Variants in PLAAT4 observed in about 807,000 individuals in gnomAD.
PLAAT4 encodes the protein phospholipase A and acyltransferase 4.
PLAAT4 carries 12 observed loss-of-function variants against 14.1 expected under a neutral mutation model. That is an observed-to-expected ratio of 0.85 (90% CI 0.54 to 1.37). PLAAT4 has a LOEUF of 1.37. PLAAT4 is among the 40% of genes most tolerant of loss of function. PLAAT4 has a pLI of 0.00. For synonymous variants in PLAAT4, 77 were observed against 79.8 expected, an observed-to-expected ratio of 0.96 and a Z score of 0.19; for missense variants, 163 against 211.7, an observed-to-expected ratio of 0.77 and a Z score of 1.43.
chr11:63,537,731 C>T (rs2017284225), intron 1 of PLAAT4, among the ~76,000 whole-genome samples: 1 of 152,204 alleles, frequency 6.6e-6, no homozygotes, highest in Non-Finnish European at 1.5e-5. Flanking sequence ...CTGTGGTGCC[C>T]TGACATACAG....
At chr11:63,537,027 A>C (rs947363740) in intron 1 of PLAAT4, 150 bp downstream of exon 1, 5 of 1,019,092 alleles carry the variant, frequency 4.9e-6, no homozygotes, top group Non-Finnish European at 7.2e-6. Flanking sequence ...TTGTCTTTTA[A>C]AAGTGCATCT....
chr11:63,543,789 T>C (rs2017340750), intron 2 of PLAAT4, among the ~76,000 whole-genome samples: 1 of 152,234 alleles, frequency 6.6e-6, no homozygotes, highest in African/African-American at 2.4e-5. Flanking sequence ...CTCTTCTGTG[T>C]TCCTCTCTAT....
rs561517218 is a variant in PLAAT4, at chr11:63,542,502, T to C, written c.119-2119T>C. The stretch of plus-strand genomic sequence containing the variant: ...CGTGTCTGGCTTGGTAGGAGGAAGA[T>C]TGTCAATTGAGGTATCATGTGTGTT... On this transcript the variant is annotated intron_variant, in intron 2 of 3. Transcript: ENST00000255688. Among the ~76,000 whole-genome samples, 4 of 152,342 alleles carry C rather than the reference T, an allele frequency of 2.6e-5. No individual in the cohort carries two copies. In the East Asian group the frequency reaches 5.8e-4, roughly 22 times the overall value.
At chr11:63,541,359 T>C (rs949746227) in intron 2 of PLAAT4, among the ~76,000 whole-genome samples, 1 of 151,996 alleles carries the variant, frequency 6.6e-6, no homozygotes, top group African/African-American at 2.4e-5. Flanking sequence ...AGCCAGCTAG[T>C]TTTTTGTATT....
At chr11:63,542,504 G>C (rs879385554) in intron 2 of PLAAT4, among the ~76,000 whole-genome samples, 4 of 152,180 alleles carry the variant, frequency 2.6e-5, no homozygotes, top group African/African-American at 4.8e-5. Context: ...GAGGAAGATT[G>C]TCAATTGAGG....
chr11:63,540,445 A>G (rs1434179236), intron 2 of PLAAT4, among the ~76,000 whole-genome samples: 2 of 152,202 alleles, frequency 1.3e-5, no homozygotes, highest in Non-Finnish European at 2.9e-5. Context: ...TATTTAACTC[A>G]TTAATAACAG....
At chr11:63,545,499 T>C (rs61929704) in intron 3 of PLAAT4, 2,532 of 164,048 alleles carry the variant, frequency 0.015, 32 homozygotes, top group Non-Finnish European at 0.025. Context: ...GAGAGAGGGA[T>C]GGTGGCAGGA....
At chr11:63,538,970 G>A (rs945658043) in intron 1 of PLAAT4, among the ~76,000 whole-genome samples, 9 of 152,260 alleles carry the variant, frequency 5.9e-5, no homozygotes, top group Non-Finnish European at 8.8e-5. Flanking sequence ...AGGATGCTGT[G>A]AGCTCCTGTC....
At chr11:63,544,980 T>TG in intron 3 of PLAAT4, 91 bp downstream of exon 3, 1 of 1,572,434 alleles carries the variant, frequency 6.4e-7, no homozygotes, top group Non-Finnish European at 8.8e-7. Context: ...ATGATGCAAA[T>TG]GCAGCCTCTT....
intron 3 of PLAAT4, 112 bp downstream of exon 3, chr11:63,545,001 T>A (rs1246582925): frequency 6.8e-7 from 1 of 1,475,690 alleles, no homozygotes; most frequent in Non-Finnish European, 9.5e-7. Flanking sequence ...AGAGACCTGC[T>A]GGCTGAGAGT....
chr11:63,544,513 C>A, intron 2 of PLAAT4, 108 bp from the exon 3 acceptor site: 1 of 1,329,170 alleles, frequency 7.5e-7, no homozygotes, highest in Non-Finnish European at 1.0e-6. Context: ...GTGAATCCTT[C>A]AATCACATTT....
At chr11:63,544,493 A>G in intron 2 of PLAAT4, 128 bp from the exon 3 acceptor site, 1 of 1,258,064 alleles carries the variant, frequency 7.9e-7, no homozygotes, top group Non-Finnish European at 1.1e-6. Context: ...AAAAAAAAAA[A>G]GCAAAATCTG....
chr11:63,537,333 A>G (rs1326104361), intron 1 of PLAAT4, among the ~76,000 whole-genome samples: 1 of 152,100 alleles, frequency 6.6e-6, no homozygotes, highest in Non-Finnish European at 1.5e-5. Context: ...TCTAAGGTGC[A>G]TTCTAATCTC....
rs1306885275 is a variant in PLAAT4, at chr11:63,536,890, G to C, written c.9+13G>C. The stretch of plus-strand genomic sequence containing the variant: ...CGAGATGGCTTCGGTAAGTTTCCCA[G>C]GGCTTTGCATTACTGACTCTACAGC... On this transcript the variant is annotated intron_variant, in intron 1 of 3. Transcript: ENST00000255688. 1 of 1,611,784 alleles carries C rather than the reference G, an allele frequency of 6.2e-7. No homozygotes were observed. Among genetic ancestry groups the C allele is most frequent in the East Asian group, 2.2e-5 (1 of 44,484 alleles).
chr11:63,545,306 G>A (rs1474484797), intron 3 of PLAAT4: 2 of 358,064 alleles, frequency 5.6e-6, no homozygotes, highest in East Asian at 9.0e-5. Flanking sequence ...TTGTGTGTAA[G>A]ATCTGGGCAC....
At chr11:63,538,704 A>AGG (rs1164700376) in intron 1 of PLAAT4, among the ~76,000 whole-genome samples, 1 of 152,158 alleles carries the variant, frequency 6.6e-6, no homozygotes, top group Non-Finnish European at 1.5e-5. Flanking sequence ...TGGCCAAGAC[A>AGG]GGAACCAGGG....
rs374580366 is a variant in PLAAT4, at chr11:63,544,692, C to T, written c.190C>T (p.Arg64Cys). 146 of 1,614,118 alleles carry T rather than the reference C, an allele frequency of 9.0e-5. No individual in the cohort carries two copies. Among genetic ancestry groups the T allele is most frequent in the South Asian group, 1.9e-4 (17 of 91,082 alleles). ...LSNSAEVKRERLEDVVGGCCY... is the reference protein window; with the variant it reads ...LSNSAEVKRECLEDVVGGCCY... Reference sequence around the variant, plus strand: ...CAACAGTGCAGAGGTGAAACGGGAGCGCCTGGAAGATGTGGTGGGAGGCTG... The same window carrying T: ...CAACAGTGCAGAGGTGAAACGGGAGTGCCTGGAAGATGTGGTGGGAGGCTG... Residue 64 changes from arginine to cysteine, a missense_variant, in exon 3 of 4, where the codon CGC (arginine) becomes TGC (cysteine). Physicochemically the swap from Arg to Cys is radical, Grantham distance 180. Coordinates refer to ENST00000255688, the MANE Select transcript of PLAAT4 (RefSeq NM_004585.5).
At chr11:63,539,725 G>A (rs12294612) in intron 2 of PLAAT4, 101 bp downstream of exon 2, 2 of 801,864 alleles carry the variant, frequency 2.5e-6, no homozygotes, top group South Asian at 1.7e-5. Context: ...ACTTTGAGAG[G>A]CCGAGGTGGG....
chr11:63,539,123 T>C (rs1345541376), intron 1 of PLAAT4, among the ~76,000 whole-genome samples: 7 of 152,010 alleles, frequency 4.6e-5, no homozygotes, highest in African/African-American at 1.2e-4. Flanking sequence ...GGCGGAGAGC[T>C]CAAGACTCAC....
Sources: allele counts gnomAD v4.1 joint callset (sites outside exome capture counted in the v4.1 genomes callset), GRCh38; gene constraint gnomAD v4.1.1; transcripts MANE v1.5; gene names NCBI Gene and HGNC (gene_info 2026-07-23, HGNC 2026-07-21).